UBE2H: variants seen among roughly 807,000 people sequenced by gnomAD.
UBE2H encodes ubiquitin-conjugating enzyme E2 H.
In UBE2H, 3 loss-of-function variants were observed where a neutral mutation model predicts 29.0. That is an observed-to-expected ratio of 0.10 (90% CI 0.05 to 0.27). The LOEUF is 0.27. Among genes scored for constraint, UBE2H ranks in the 10% least tolerant of loss-of-function variants. The pLI, the probability that UBE2H is intolerant of heterozygous loss-of-function variation, is 1.00. For missense variants in UBE2H, 68 were observed against 228.2 expected, an observed-to-expected ratio of 0.30 and a Z score of 4.52; for synonymous variants, 69 against 82.9, an observed-to-expected ratio of 0.83 and a Z score of 0.91.
chr7:129,873,164 G>A (rs1421015668), intron 3 of UBE2H, among the ~76,000 whole-genome samples: 5 of 151,520 alleles, frequency 3.3e-5, no homozygotes, highest in South Asian at 2.1e-4. Context: ...GAATACAGGC[G>A]CCCGCCACCA....
intron 1 of UBE2H, among the ~76,000 whole-genome samples, chr7:129,932,409 C>T (rs1419649345): frequency 2.0e-5 from 3 of 152,000 alleles, no homozygotes; most frequent in Non-Finnish European, 4.4e-5. Context: ...AGGCGTGAGG[C>T]ACCACGCCCA....
In UBE2H at chr7:129,882,841, C is replaced by T. The variant is rs527784441; in HGVS notation, c.54-1870G>A. On this transcript the variant is annotated intron_variant, in intron 1 of 6. Transcript: ENST00000355621. ...CATCCTTGTGTCACGTAAAAAAAGG[C>T]AAATCCAGTTAAAATAAAATTAAAT... 2.9e-4 allele frequency among the ~76,000 whole-genome samples: 44 copies of T among 152,110 alleles called. No individual in the cohort carries two copies. In the South Asian group the frequency reaches 8.3e-3, roughly 29 times the overall value.
intron 3 of UBE2H, among the ~76,000 whole-genome samples, chr7:129,873,159 C>T (rs1284738135): frequency 6.6e-6 from 1 of 151,532 alleles, no homozygotes; most frequent in Non-Finnish European, 1.5e-5. Flanking sequence ...GCTGGGAATA[C>T]AGGCGCCCGC....
In UBE2H at chr7:129,835,047, A is replaced by G; in HGVS notation, c.442T>C (p.Tyr148His). The part of the protein sequence containing the change: ...KQKIKEYIQK[Y>H]ATEEALKEQE... ...TCTTTCAGCGCCTCCTCCGTGGCGT[A>G]TTTCTGGATGTACTCTGCACGGGGT... Residue 148 changes from tyrosine to histidine, a missense_variant, in exon 7 of 7, where the codon TAC becomes CAC. This residue lies in a region of UBE2H where 25 missense variants were observed against 32.4 expected (regional missense o/e 0.77). Transcript: ENST00000355621. 1 of 1,613,956 alleles carries G rather than the reference A, an allele frequency of 6.2e-7. No individual in the cohort carries two copies. The highest frequency in any genetic ancestry group is 2.2e-5 in the East Asian group (1 of 44,864).
intron 3 of UBE2H, among the ~76,000 whole-genome samples, chr7:129,866,157 G>C (rs997292592): frequency 6.6e-6 from 1 of 152,160 alleles, no homozygotes; most frequent in African/African-American, 2.4e-5. Context: ...AACCAGGCAA[G>C]GAGCTCACTC....
intron 1 of UBE2H, 90 bp from the exon 2 acceptor site, chr7:129,881,061 T>C: frequency 3.5e-6 from 4 of 1,153,978 alleles, no homozygotes; most frequent in Non-Finnish European, 4.9e-6. Context: ...CTTAAAGTGT[T>C]ACCAAAATTT....
intron 3 of UBE2H, among the ~76,000 whole-genome samples, chr7:129,878,379 T>C (rs561013282): frequency 6.6e-6 from 1 of 152,080 alleles, no homozygotes; most frequent in Non-Finnish European, 1.5e-5. Context: ...TATCGGGCAT[T>C]ACTTCTTAAG....
intron 5 of UBE2H, among the ~76,000 whole-genome samples, chr7:129,846,383 AATAATT>A (rs1157291215): frequency 5.1e-4 from 54 of 105,128 alleles, no homozygotes; most frequent in African/African-American, 1.7e-3. Flanking sequence ...TAATAATAAT[AATAATT>A]GGGCATGGTG....
At chr7:129,910,031 TGAA>T (rs1211667440) in intron 1 of UBE2H, among the ~76,000 whole-genome samples, 2 of 151,774 alleles carry the variant, frequency 1.3e-5, no homozygotes, top group African/African-American at 4.8e-5. Context: ...AGGTGAATAT[TGAA>T]GAATAAACAA....
chr7:129,931,221 C>T (rs1277030043), intron 1 of UBE2H, among the ~76,000 whole-genome samples: 2 of 142,988 alleles, frequency 1.4e-5, no homozygotes, highest in Non-Finnish European at 3.0e-5. Context: ...AACCCTGTCT[C>T]AAAAAGAAAA....
intron 3 of UBE2H, among the ~76,000 whole-genome samples, chr7:129,874,809 G>C (rs1250337512): frequency 6.6e-6 from 1 of 152,260 alleles, no homozygotes; most frequent in East Asian, 1.9e-4. Flanking sequence ...CCACCCAAGA[G>C]AAGAGAAAAA....
intron 1 of UBE2H, among the ~76,000 whole-genome samples, chr7:129,916,351 A>G (rs1584784265): frequency 6.6e-6 from 1 of 152,064 alleles, no homozygotes; most frequent in South Asian, 2.1e-4. Flanking sequence ...AAACTTTAAC[A>G]AGTTTGCTTT....
At chr7:129,927,921 C>T (rs1584791491) in intron 1 of UBE2H, among the ~76,000 whole-genome samples, 2 of 151,428 alleles carry the variant, frequency 1.3e-5, no homozygotes, top group Non-Finnish European at 1.5e-5. Flanking sequence ...TGTAGCTGAG[C>T]GCAGTGGCTC....
intron 5 of UBE2H, among the ~76,000 whole-genome samples, chr7:129,852,134 A>G (rs1260360103): frequency 6.6e-6 from 1 of 152,210 alleles, no homozygotes; most frequent in Non-Finnish European, 1.5e-5. Flanking sequence ...AGACACATAC[A>G]TGTATTTCTT....
chr7:129,873,445 T>A (rs1317509863), intron 3 of UBE2H, among the ~76,000 whole-genome samples: 10 of 141,420 alleles, frequency 7.1e-5, no homozygotes, highest in Middle Eastern at 3.6e-3. Context: ...TTTTTTTTTT[T>A]AATTTCTTGA....
intron 5 of UBE2H, among the ~76,000 whole-genome samples, chr7:129,845,145 A>G (rs1313436158): frequency 6.6e-6 from 1 of 152,166 alleles, no homozygotes; most frequent in African/African-American, 2.4e-5. Flanking sequence ...ACAACTTATC[A>G]TCAAAAGTAG....
rs184984178 is a variant in UBE2H, at chr7:129,917,002, A to G, written c.53+35501T>C. Among the ~76,000 whole-genome samples, 958 of 147,274 alleles carry G rather than the reference A, an allele frequency of 6.5e-3. 5 individuals carry two copies. The highest frequency in any genetic ancestry group is 9.9e-3 in the Non-Finnish European group (671 of 67,492). On this transcript the variant is annotated intron_variant, in intron 1 of 6. Coordinates refer to ENST00000355621, the MANE Select transcript of UBE2H (RefSeq NM_003344.4). ...CAGTGAGCCGAGATCACACCACTGCACTTCAGCCTGGGCGACACAGCAAGA... is the reference window on the plus strand; with the variant it reads ...CAGTGAGCCGAGATCACACCACTGCGCTTCAGCCTGGGCGACACAGCAAGA...
intron 1 of UBE2H, among the ~76,000 whole-genome samples, chr7:129,902,436 G>A (rs911817604): frequency 3.3e-5 from 5 of 152,206 alleles, no homozygotes; most frequent in African/African-American, 4.8e-5. Context: ...GGGAGGCGGA[G>A]GTTGCAGTGA....
intron 1 of UBE2H, among the ~76,000 whole-genome samples, chr7:129,896,331 C>T (rs562506362): frequency 2.6e-5 from 4 of 151,132 alleles, no homozygotes; most frequent in Admixed American, 2.6e-4. Flanking sequence ...AGTGAGACTC[C>T]GTCTCAAAAA....
Sources: allele counts gnomAD v4.1 joint callset (sites outside exome capture counted in the v4.1 genomes callset), GRCh38; gene constraint gnomAD v4.1.1; regional missense constraint gnomAD v4.1.1; transcripts MANE v1.5; gene names NCBI Gene and HGNC (gene_info 2026-07-23, HGNC 2026-07-21).